The following WDPCP variants were observed in gnomAD, a reference collection of about 807,000 sequenced individuals.
WDPCP encodes WD repeat-containing and planar cell polarity effector protein fritz homolog.
WDPCP carries 71 observed loss-of-function variants against 93.1 expected under a neutral mutation model. That is an observed-to-expected ratio of 0.76 (90% CI 0.63 to 0.93). The LOEUF is 0.93. WDPCP is among the 40% of genes least tolerant of loss of function. The probability of loss-of-function intolerance (pLI) is 0.00; values close to 1 mark genes in which losing one functional copy is unlikely to be tolerated. For synonymous variants in WDPCP, 315 were observed against 315.0 expected (o/e 1.00, Z 0.00); for missense variants, 844 against 887.4 (o/e 0.95, Z 0.62).
intron 17 of WDPCP, among the ~76,000 whole-genome samples, chr2:63,126,742 GCT>G (rs1386347694): frequency 1.4e-5 from 2 of 143,902 alleles, no homozygotes; most frequent in East Asian, 4.1e-4. Context: ...CACAATTATA[GCT>G]CACAGCAAAA....
At chr2:63,190,818 T>G (rs981380604) in intron 14 of WDPCP, among the ~76,000 whole-genome samples, 5 of 149,836 alleles carry the variant, frequency 3.3e-5, no homozygotes, top group South Asian at 2.1e-4. Flanking sequence ...TTGGTGGGGG[T>G]GGGGTACAGG....
intron 9 of WDPCP, among the ~76,000 whole-genome samples, chr2:63,424,322 T>C (rs1182710680): frequency 6.6e-6 from 1 of 151,978 alleles, no homozygotes; most frequent in Admixed American, 6.5e-5. Context: ...AATGTGGTCA[T>C]AGGTTCTCCA....
intron 13 of WDPCP, among the ~76,000 whole-genome samples, chr2:63,284,015 A>G (rs58523998): frequency 0.015 from 2,281 of 152,350 alleles, 63 homozygotes; most frequent in African/African-American, 0.052. Context: ...TATCGGATAG[A>G]TACTTGGAAT....
At chr2:63,802,470 C>G (rs752544528) in intron 2 of WDPCP, among the ~76,000 whole-genome samples, 4 of 152,086 alleles carry the variant, frequency 2.6e-5, no homozygotes, top group Non-Finnish European at 5.9e-5. Flanking sequence ...ATATTTCAGT[C>G]TCATGATAAG....
intron 2 of WDPCP, among the ~76,000 whole-genome samples, chr2:63,731,440 G>A (rs189161176): frequency 3.9e-4 from 59 of 152,176 alleles, no homozygotes; most frequent in African/African-American, 1.3e-3. Flanking sequence ...TATTCACTAT[G>A]TTGTGCAACT....
chr2:63,423,758 AG>A (rs919295642), intron 9 of WDPCP, among the ~76,000 whole-genome samples: 30 of 152,240 alleles, frequency 2.0e-4, no homozygotes, highest in African/African-American at 6.8e-4. Flanking sequence ...CAAATGAATT[AG>A]GTGACAAAGC....
chr2:63,840,231 G>A, the WDPCP span, among the ~76,000 whole-genome samples: 8 of 152,234 alleles, frequency 5.3e-5, no homozygotes, highest in East Asian at 1.9e-4. Flanking sequence ...TGCAGGTGGG[G>A]TTGACGGTAC....
intron 14 of WDPCP, among the ~76,000 whole-genome samples, chr2:63,177,270 T>C (rs1245267177): frequency 1.3e-5 from 2 of 152,228 alleles, no homozygotes; most frequent in Non-Finnish European, 2.9e-5. Context: ...GATTTTTCTA[T>C]ATTTCCAAAG....
intron 3 of WDPCP, among the ~76,000 whole-genome samples, chr2:63,631,713 G>A (rs1709866644): frequency 6.6e-6 from 1 of 152,194 alleles, no homozygotes; most frequent in Admixed American, 6.5e-5. Flanking sequence ...TCTGGAGATG[G>A]CTGGGAGTAA....
At chr2:63,734,870 T>TAGATAGAC (rs534148991) in intron 2 of WDPCP, among the ~76,000 whole-genome samples, 1 of 141,330 alleles carries the variant, frequency 7.1e-6, no homozygotes, top group Non-Finnish European at 1.6e-5. Context: ...GATAGATAGA[T>TAGATAGAC]AGACAGACAG....
chr2:63,156,145 G>A (rs1247399471), intron 15 of WDPCP, among the ~76,000 whole-genome samples: 3 of 151,886 alleles, frequency 2.0e-5, no homozygotes, highest in Admixed American at 6.6e-5. Context: ...GACTACAGGC[G>A]TGTGCCACCA....
At chr2:63,273,668 G>A (rs1426456744) in intron 13 of WDPCP, among the ~76,000 whole-genome samples, 1 of 151,936 alleles carries the variant, frequency 6.6e-6, no homozygotes, top group East Asian at 1.9e-4. Context: ...CAATGAATAG[G>A]AGTAACTATA....
At chr2:63,568,816 C>T (rs542546520) in intron 1 of WDPCP, among the ~76,000 whole-genome samples, 129 of 152,362 alleles carry the variant, frequency 8.5e-4, no homozygotes, top group Non-Finnish European at 1.1e-3. Context: ...TGACTTAATG[C>T]TTGCTTGGAC....
intron 9 of WDPCP, among the ~76,000 whole-genome samples, chr2:63,414,470 T>C (rs200121742): frequency 0.021 from 2,420 of 117,102 alleles, 77 homozygotes; most frequent in African/African-American, 0.069. Context: ...TACACACACA[T>C]ATACACACAC....
Position 63,122,045 on chromosome 2 carries a change from A to T in WDPCP, c.2202T>A (p.Asp734Glu), listed in dbSNP as rs1376880485. 1 of 1,611,836 alleles carries T rather than the reference A, an allele frequency of 6.2e-7. No homozygotes were observed. The highest frequency in any genetic ancestry group is 8.5e-7 in the Non-Finnish European group (1 of 1,178,232). ...REDGREQEIR[D>E]GGSLKMIHFG... ...AGTGAATCATTTTGAGAGAACCACC[A>T]TCTCTGATTTCCTGCAAATAAACAA... Residue 734 changes from aspartate (D) to glutamate (E), a missense_variant, in exon 18 of 18, where the codon GAT becomes GAA. Coordinates refer to ENST00000272321, the MANE Select transcript of WDPCP (RefSeq NM_015910.7).
chr2:63,392,267 C>G (rs954665096), intron 10 of WDPCP, among the ~76,000 whole-genome samples: 2 of 152,070 alleles, frequency 1.3e-5, no homozygotes, highest in Non-Finnish European at 2.9e-5. Context: ...ACAAACCTGA[C>G]AAAAACAAGC....
intron 14 of WDPCP, among the ~76,000 whole-genome samples, chr2:63,204,336 CTTTTTTTTTTT>C (rs397872785): frequency 2.2e-5 from 2 of 92,294 alleles, no homozygotes; most frequent in East Asian, 2.7e-4. Flanking sequence ...GCCCGTTTGC[CTTTTTTTTTTT>C]TTTTTTTTTT....
intron 12 of WDPCP, among the ~76,000 whole-genome samples, chr2:63,353,339 C>A (rs1018067211): frequency 6.6e-6 from 1 of 152,066 alleles, no homozygotes; most frequent in African/African-American, 2.4e-5. Flanking sequence ...TGGAACATAC[C>A]CCTAGGAAAG....
chr2:63,779,568 C>G (rs1575771122), intron 2 of WDPCP, among the ~76,000 whole-genome samples: 1 of 152,280 alleles, frequency 6.6e-6, no homozygotes, highest in Non-Finnish European at 1.5e-5. Flanking sequence ...CAAGGCTGTT[C>G]AACCCTCTTT....
Sources: gnomAD v4.1 joint callset for allele counts (sites outside exome capture counted in the v4.1 genomes callset) on GRCh38, gnomAD v4.1.1 for gene constraint, MANE v1.5 for transcripts, NCBI Gene and HGNC (gene_info 2026-07-23, HGNC 2026-07-21) for gene names.